Variants in ALK observed in about 807,000 individuals in gnomAD.
The protein encoded by ALK is ALK tyrosine kinase receptor.
A neutral mutation model predicts 163.1 loss-of-function variants in ALK; 74 were observed. The observed-to-expected ratio is 0.45, with a 90% CI of 0.38 to 0.55. The LOEUF (loss-of-function observed/expected upper bound fraction) is 0.55, where lower values mean the gene tolerates loss of function less well. Ranked by LOEUF, ALK falls within the 20% of genes least tolerant of loss-of-function variation. The pLI is 0.00. For synonymous variants in ALK, 960 were observed against 843.2 expected (o/e 1.14, Z -2.40); for missense variants, 2,063 against 2,105.3 (o/e 0.98, Z 0.39).
chr2:29,920,745 C>A lies in ALK; in HGVS notation c.-86G>T, dbSNP rs773058491. ...GAGATGGGAAGAGGCTCTGAACAGTCCTTGGTACCCAGCGGCTCCTTCCAC... is the reference window on the plus strand; with the variant it reads ...GAGATGGGAAGAGGCTCTGAACAGTACTTGGTACCCAGCGGCTCCTTCCAC... On this transcript the variant is annotated 5_prime_UTR_variant, in exon 1 of 29. Coordinates refer to ENST00000389048, the MANE Select transcript of ALK (RefSeq NM_004304.5). 7.3e-6 allele frequency: 9 copies of A among 1,233,814 alleles called. No homozygotes were observed. Among genetic ancestry groups the A allele is most frequent in the Middle Eastern group, 2.6e-4 (1 of 3,812 alleles). The allele number at this position is 1,233,814 out of a possible 1,614,324, so 76.4% of individuals were successfully genotyped here.
At chr2:29,833,263 T>C (rs1327780325) in intron 1 of ALK, among the ~76,000 whole-genome samples, 2 of 152,170 alleles carry the variant, frequency 1.3e-5, no homozygotes, top group African/African-American at 4.8e-5. Flanking sequence ...GTCTCTATTT[T>C]CCTCCACCAC....
intron 3 of ALK, among the ~76,000 whole-genome samples, chr2:29,683,969 C>T (rs1263224554): frequency 6.6e-6 from 1 of 152,226 alleles, no homozygotes; most frequent in Non-Finnish European, 1.5e-5. Flanking sequence ...CCAGATCCCT[C>T]TTCAACTTAC....
intron 4 of ALK, among the ~76,000 whole-genome samples, chr2:29,407,884 G>A (rs1300790226): frequency 1.3e-5 from 2 of 152,134 alleles, no homozygotes; most frequent in Non-Finnish European, 1.5e-5. Flanking sequence ...ATCTCTGGGT[G>A]AGTGTGGAGC....
intron 4 of ALK, among the ~76,000 whole-genome samples, chr2:29,438,810 C>T (rs144938369): frequency 6.6e-6 from 1 of 152,314 alleles, no homozygotes; most frequent in Non-Finnish European, 1.5e-5. Flanking sequence ...AACCTGTCCT[C>T]AGGGCCATGA....
chr2:29,196,541 A>G (rs1669026886), intron 28 of ALK, among the ~76,000 whole-genome samples: 1 of 152,214 alleles, frequency 6.6e-6, no homozygotes. Flanking sequence ...CCCAGTTTTT[A>G]CTGTGTGTCT....
At chr2:29,888,264 A>ATTTTTTT (rs1401782243) in intron 1 of ALK, among the ~76,000 whole-genome samples, 2,154 of 142,174 alleles carry the variant, frequency 0.015, 54 homozygotes, top group African/African-American at 0.045. Flanking sequence ...TTTTTTTTAA[A>ATTTTTTT]AAAAGGGAAA....
At chr2:29,468,587 T>A (rs915168462) in intron 4 of ALK, among the ~76,000 whole-genome samples, 3 of 152,054 alleles carry the variant, frequency 2.0e-5, no homozygotes, top group East Asian at 1.9e-4. Flanking sequence ...CAGTGGCTCA[T>A]GCCTGTAATC....
intron 16 of ALK, among the ~76,000 whole-genome samples, chr2:29,228,048 T>C (rs934772543): frequency 4.6e-5 from 7 of 152,164 alleles, no homozygotes; most frequent in South Asian, 4.2e-4. Context: ...TTCAGCCCCA[T>C]TGGGTCAGGG....
intron 4 of ALK, among the ~76,000 whole-genome samples, chr2:29,519,361 T>C (rs775603512): frequency 2.6e-5 from 4 of 152,196 alleles, no homozygotes; most frequent in East Asian, 1.9e-4. Context: ...GATTCCATGA[T>C]TGAAATATTT....
chr2:29,255,914 CTAAT>C (rs1664938563), intron 11 of ALK, among the ~76,000 whole-genome samples: 1 of 152,108 alleles, frequency 6.6e-6, no homozygotes, highest in Non-Finnish European at 1.5e-5. Context: ...GGGACAGACT[CTAAT>C]TATTTCCACA....
chr2:29,512,256 C>G (rs1672542964), intron 4 of ALK, among the ~76,000 whole-genome samples: 1 of 151,898 alleles, frequency 6.6e-6, no homozygotes, highest in Admixed American at 6.6e-5. Flanking sequence ...CAATAAAATA[C>G]TGGCAAACCG....
intron 3 of ALK, among the ~76,000 whole-genome samples, chr2:29,671,043 T>C (rs998714239): frequency 5.9e-5 from 9 of 152,084 alleles, no homozygotes; most frequent in Non-Finnish European, 1.5e-5. Flanking sequence ...CATGGTTCCC[T>C]GTTAGCTGTT....
chr2:29,568,722 G>A (rs560487197), intron 3 of ALK, among the ~76,000 whole-genome samples: 1 of 152,316 alleles, frequency 6.6e-6, no homozygotes, highest in Admixed American at 6.5e-5. Context: ...GGTCAAAGAA[G>A]GGGAAAGAAC....
At chr2:29,583,152 T>A (rs1348944589) in intron 3 of ALK, among the ~76,000 whole-genome samples, 1 of 151,456 alleles carries the variant, frequency 6.6e-6, no homozygotes, top group Non-Finnish European at 1.5e-5. Flanking sequence ...GTGCTGGGAC[T>A]ACAGGTGTGA....
chr2:29,532,201 G>T, intron 3 of ALK, 85 bp from the exon 4 acceptor site: 2 of 1,310,810 alleles, frequency 1.5e-6, no homozygotes, highest in Non-Finnish European at 2.2e-6. Context: ...GAGACAAATG[G>T]CATCAAAATC....
At chr2:29,217,040 C>T (rs1669641762) in intron 23 of ALK, among the ~76,000 whole-genome samples, 1 of 111,896 alleles carries the variant, frequency 8.9e-6, no homozygotes, top group South Asian at 2.9e-4. Context: ...TGTCTGGGGG[C>T]ATGTGTGTGG....
chr2:29,903,839 C>A (rs1459451635), intron 1 of ALK, among the ~76,000 whole-genome samples: 1 of 152,104 alleles, frequency 6.6e-6, no homozygotes, highest in African/African-American at 2.4e-5. Flanking sequence ...TTATGAAATT[C>A]TAACGGACCC....
chr2:29,641,580 T>C (rs912159556), intron 3 of ALK, among the ~76,000 whole-genome samples: 2 of 152,162 alleles, frequency 1.3e-5, no homozygotes, highest in African/African-American at 4.8e-5. Context: ...AATAATGATG[T>C]GTTTGAATAA....
At chr2:29,824,924 A>G (rs1408153437) in intron 1 of ALK, among the ~76,000 whole-genome samples, 1 of 152,194 alleles carries the variant, frequency 6.6e-6, no homozygotes, top group Non-Finnish European at 1.5e-5. Context: ...TGGTTTGGCT[A>G]TGTTCCCACC....
Sources: allele counts gnomAD v4.1 joint callset (sites outside exome capture counted in the v4.1 genomes callset), GRCh38; gene constraint gnomAD v4.1.1; transcripts MANE v1.5; gene names NCBI Gene and HGNC (gene_info 2026-07-23, HGNC 2026-07-21).